Variants in VPS13A observed in about 807,000 individuals in gnomAD.
VPS13A encodes the protein vacuolar protein sorting 13 homolog A.
Under a neutral mutation model 390.9 loss-of-function variants are expected in VPS13A, and 264 were observed. The ratio of observed to expected loss-of-function variants is 0.68; its 90% CI spans 0.61 to 0.75. VPS13A has a LOEUF of 0.75. Ranked by LOEUF, VPS13A falls within the 30% of genes least tolerant of loss-of-function variation. The probability of loss-of-function intolerance (pLI) is 0.00; values close to 1 mark genes in which losing one functional copy is unlikely to be tolerated. For synonymous variants in VPS13A, 1,231 were observed against 1,227.1 expected (o/e 1.00, Z -0.07); for missense variants, 3,409 against 3,733.9 (o/e 0.91, Z 2.27).
At position 77,340,278 on chromosome 9, in the gene VPS13A, ATC is replaced by A; in HGVS notation, c.6876_6877del (p.Tyr2292Ter). On this transcript the variant is annotated stop_gained and frameshift_variant and splice_region_variant, in exon 49 of 72. Coordinates refer to ENST00000360280, the MANE Select transcript of VPS13A (RefSeq NM_033305.3). LOFTEE classifies it high-confidence loss of function. ...AAATGTAAAGGCCTGAAAATGGACT[ATC>A]AAGTGAGTTCATTCTATGCTTATCA... The A allele has an allele frequency of 6.2e-7, 1 of 1,612,292 alleles. No individual in the cohort carries two copies.
rs182002042 is a variant in VPS13A at position 77,364,412 on chromosome 9, C to T, written c.8212-1048C>T. On this transcript the variant is annotated intron_variant, in intron 59 of 71. Coordinates refer to ENST00000360280, the MANE Select transcript of VPS13A (RefSeq NM_033305.3). ...TGCACTCCAGCCTAGGTGACCAGAG[C>T]GAGACTCCGTCTCGAAAAAAACAAA... Among the ~76,000 whole-genome samples, 61 of 152,094 alleles carry T rather than the reference C, an allele frequency of 4.0e-4. No individual in the cohort carries two copies. In the East Asian group the frequency reaches 5.2e-3, roughly 13 times the overall value.
Position 77,340,569 on chromosome 9 carries a change from A to G in VPS13A, c.7026+19A>G, listed in dbSNP as rs757252248. ...GGAGCAGGTGGGTAGATGAATTTCA[A>G]AAATATACCTCTTTGGATTCTATTT... On this transcript the variant is annotated intron_variant, in intron 50 of 71. Transcript: ENST00000360280. 10 of 1,611,426 alleles carry G rather than the reference A, an allele frequency of 6.2e-6. No homozygotes were observed. The highest frequency in any genetic ancestry group is 2.2e-5 in the East Asian group (1 of 44,730).
intron 21 of VPS13A, among the ~76,000 whole-genome samples, 171 bp from the exon 22 acceptor site, chr9:77,252,064 A>G (rs1216035262): frequency 6.6e-6 from 1 of 152,198 alleles, no homozygotes; most frequent in African/African-American, 2.4e-5. Flanking sequence ...GTGGATGCGC[A>G]GTAGATTTGA....
At position 77,403,228 on chromosome 9, in the gene VPS13A, T is replaced by C. The variant is rs2131647590; in HGVS notation, c.9190-8T>C. 6.2e-7 allele frequency: 1 copy of C among 1,604,058 alleles called. No individual in the cohort carries two copies. The highest frequency in any genetic ancestry group is 1.3e-5 in the African/African-American group (1 of 74,856). On this transcript the variant is annotated splice_polypyrimidine_tract_variant and splice_region_variant and intron_variant, in intron 68 of 71. Coordinates refer to ENST00000360280, the MANE Select transcript of VPS13A (RefSeq NM_033305.3). ...ATTTTCTCATTGTCTCTCACTTTTT[T>C]CTTTTAGGTCATGGAAAATGGAAGA...
chr9:77,218,959 T>C (rs1017779100), intron 10 of VPS13A, among the ~76,000 whole-genome samples: 2 of 152,090 alleles, frequency 1.3e-5, no homozygotes, highest in African/African-American at 4.8e-5. Flanking sequence ...TGGAGTTAAG[T>C]TGGTTACTCC....
intron 70 of VPS13A, 137 bp downstream of exon 70, chr9:77,406,124 A>G (rs1834593508): frequency 7.1e-6 from 8 of 1,129,258 alleles, no homozygotes; most frequent in Non-Finnish European, 1.0e-5. Context: ...TATACCTGCT[A>G]TCTTACCCAG....
In VPS13A at chr9:77,348,680, A is replaced by G. The variant is rs11145395; in HGVS notation, c.7290-2637A>G. Among the ~76,000 whole-genome samples, 436 of 151,770 alleles carry G rather than the reference A, an allele frequency of 2.9e-3. 12 individuals carry two copies. The highest frequency in any genetic ancestry group is 0.025 in the Admixed American group (380 of 15,238). ...ATCCCTTCCCTTGCCACCTTAATCT[A>G]TGTACCCCAGTTTTTGATAGCACCT... On this transcript the variant is annotated intron_variant, in intron 52 of 71. Coordinates refer to ENST00000360280, the MANE Select transcript of VPS13A (RefSeq NM_033305.3).
At position 77,358,225 on chromosome 9, in the gene VPS13A, G is replaced by A. The variant is rs533540826; in HGVS notation, c.7954-132G>A. ...CCCGCCTCGGCCTCCCAAAGTGCTG[G>A]GATTACAGGCGTGAGCCACCGTGCT... is the stretch of plus-strand genomic sequence containing the variant. On this transcript the variant is annotated intron_variant, in intron 56 of 71. Coordinates refer to ENST00000360280, the MANE Select transcript of VPS13A (RefSeq NM_033305.3). 1.5e-3 allele frequency: 1,169 copies of A among 773,608 alleles called. 2 individuals are homozygous for A. Among genetic ancestry groups the A allele is most frequent in the Non-Finnish European group, 2.1e-3 (975 of 464,254 alleles). 47.9% of individuals were successfully genotyped at this position (773,608 alleles called of 1,614,324 possible). A position where few individuals can be genotyped will look rare whatever the true frequency, so the allele number is the denominator to read the frequency against.
At chr9:77,315,633 A>G (rs1391940432) in intron 38 of VPS13A, among the ~76,000 whole-genome samples, 163 bp downstream of exon 38, 1 of 147,302 alleles carries the variant, frequency 6.8e-6, no homozygotes, top group Non-Finnish European at 1.5e-5. Flanking sequence ...TGGAGGATGT[A>G]TAGTTTGCAT....
At chr9:77,204,817 C>T (rs896229145) in intron 3 of VPS13A, among the ~76,000 whole-genome samples, 1 of 152,014 alleles carries the variant, frequency 6.6e-6, no homozygotes. Context: ...TTCATAGAGA[C>T]AGGGTTTTGC....
chr9:77,181,673 A>G lies in VPS13A; in HGVS notation c.100+3869A>G, dbSNP rs143846574. ...CAAATTTCAATATTAGCATGTTACT[A>G]TAATAGTATCAATTAGTATTCAGTC... is the stretch of plus-strand genomic sequence containing the variant. On this transcript the variant is annotated intron_variant, in intron 1 of 71. Transcript: ENST00000360280. Among the ~76,000 whole-genome samples the G allele has an allele frequency of 1.5e-3, 229 of 152,328 alleles. 1 individual carries two copies. The highest frequency in any genetic ancestry group is 5.3e-3 in the African/African-American group (220 of 41,572).
At chr9:77,273,187 C>T (rs867042174) in intron 23 of VPS13A, 93 bp from the exon 24 acceptor site, 1 of 995,476 alleles carries the variant, frequency 1.0e-6, no homozygotes, top group African/African-American at 1.6e-5. Flanking sequence ...AGCTTTTTGT[C>T]AAAACTGTTG....
intron 59 of VPS13A, among the ~76,000 whole-genome samples, chr9:77,363,547 G>A (rs1025795697): frequency 9.9e-5 from 15 of 151,860 alleles, no homozygotes; most frequent in Non-Finnish European, 7.4e-5. Context: ...GAGTAGCTGG[G>A]ATTACAGGCG....
rs537176727 is a variant in VPS13A, at chr9:77,265,037, G to A, written c.2427+4813G>A. Among the ~76,000 whole-genome samples the A allele has an allele frequency of 3.3e-5, 5 of 152,206 alleles. No homozygotes were observed. In the South Asian group the frequency reaches 6.2e-4, roughly 19 times the overall value. On this transcript the variant is annotated intron_variant, in intron 23 of 71. Coordinates refer to ENST00000360280, the MANE Select transcript of VPS13A (RefSeq NM_033305.3). ...TTGAATTTTATCGAAGGCCTTTTCC[G>A]CATCTATTGAGGTAATCGTGTGGTT... is the stretch of plus-strand genomic sequence containing the variant.
chr9:77,340,142 C>G (rs369175442), intron 48 of VPS13A, 36 bp from the exon 49 acceptor site: 1 of 1,581,836 alleles, frequency 6.3e-7, no homozygotes, highest in African/African-American at 1.3e-5. Context: ...TTAAAGGTAC[C>G]TAAATTGTGA....
At chr9:77,380,379 C>A (rs1250684205) in intron 67 of VPS13A, among the ~76,000 whole-genome samples, 1 of 151,986 alleles carries the variant, frequency 6.6e-6, no homozygotes, top group African/African-American at 2.4e-5. Flanking sequence ...GTGGCATGAT[C>A]TCGGCTCACT....
At chr9:77,379,302 G>A (rs1391091734) in intron 67 of VPS13A, among the ~76,000 whole-genome samples, 1 of 150,116 alleles carries the variant, frequency 6.7e-6, no homozygotes, top group African/African-American at 2.5e-5. Flanking sequence ...GTGCAATGGC[G>A]CTATCTCAGC....
chr9:77,260,252 G>A (rs1487742749), intron 23 of VPS13A, 28 bp downstream of exon 23: 2 of 1,597,368 alleles, frequency 1.3e-6, no homozygotes, highest in Non-Finnish European at 1.7e-6. Flanking sequence ...ATTAATATAA[G>A]CATGAATTAA....
At chr9:77,327,633 ATATTAT>A (rs563581300) in intron 45 of VPS13A, among the ~76,000 whole-genome samples, 5 of 149,650 alleles carry the variant, frequency 3.3e-5, no homozygotes, top group East Asian at 1.9e-4. Flanking sequence ...AGGTTTTCTG[ATATTAT>A]TATTATTATT....
Sources: allele counts gnomAD v4.1 joint callset (sites outside exome capture counted in the v4.1 genomes callset), GRCh38; gene constraint gnomAD v4.1.1; transcripts MANE v1.5; gene names NCBI Gene and HGNC (gene_info 2026-07-23, HGNC 2026-07-21).